MSH3: variants seen among roughly 807,000 people sequenced by gnomAD.
MSH3 encodes the protein mutS homolog 3.
Under a neutral mutation model 123.3 loss-of-function variants are expected in MSH3, and 106 were observed. That is an observed-to-expected ratio of 0.86 (90% CI 0.73 to 1.01). The LOEUF (loss-of-function observed/expected upper bound fraction) is 1.01, where lower values mean the gene tolerates loss of function less well. Among genes scored for constraint, MSH3 ranks in the 50% least tolerant of loss-of-function variants. The pLI is 0.00. For synonymous variants in MSH3, 515 were observed against 481.4 expected, an observed-to-expected ratio of 1.07 and a Z score of -0.91; for missense variants, 1,459 against 1,347.6, an observed-to-expected ratio of 1.08 and a Z score of -1.29.
At chr5:80,856,040 C>T (rs1745914369) in intron 21 of MSH3, among the ~76,000 whole-genome samples, 2 of 151,896 alleles carry the variant, frequency 1.3e-5, no homozygotes, top group Admixed American at 1.3e-4. Flanking sequence ...ACACACCAAC[C>T]ATACCCAGCT....
intron 8 of MSH3, 70 bp downstream of exon 8, chr5:80,679,163 A>AC: frequency 2.0e-6 from 3 of 1,478,870 alleles, no homozygotes; most frequent in Non-Finnish European, 2.8e-6. Context: ...ACTGATACTT[A>AC]TTAAAGTTGC....
chr5:80,761,365 A>G (rs1434181708), intron 12 of MSH3, among the ~76,000 whole-genome samples, 181 bp from the exon 13 acceptor site: 1 of 152,108 alleles, frequency 6.6e-6, no homozygotes, highest in South Asian at 2.1e-4. Context: ...CCTCCTCTCA[A>G]TGCATACGCC....
At chr5:80,807,612 T>A (rs570187804) in intron 19 of MSH3, among the ~76,000 whole-genome samples, 1 of 152,374 alleles carries the variant, frequency 6.6e-6, no homozygotes, top group East Asian at 1.9e-4. Context: ...TACATCAGTT[T>A]ATTGTCATGC....
chr5:80,853,003 A>G (rs1286439727), intron 20 of MSH3, among the ~76,000 whole-genome samples: 1 of 152,228 alleles, frequency 6.6e-6, no homozygotes, highest in Admixed American at 6.5e-5. Flanking sequence ...TTAACTGCAT[A>G]ACACTGAGTA....
chr5:80,774,833 A>C (rs1744271822), intron 15 of MSH3, among the ~76,000 whole-genome samples: 1 of 152,112 alleles, frequency 6.6e-6, no homozygotes, highest in African/African-American at 2.4e-5. Context: ...GTGGGGGTGG[A>C]GGGGATGAGG....
chr5:80,780,918 A>C (rs1210153493), intron 17 of MSH3, among the ~76,000 whole-genome samples: 2 of 152,112 alleles, frequency 1.3e-5, no homozygotes, highest in Non-Finnish European at 2.9e-5. Context: ...TCCTTCAGGG[A>C]GCTTTATTGT....
chr5:80,763,183 TA>T (rs1259108078), intron 13 of MSH3, among the ~76,000 whole-genome samples: 2 of 152,184 alleles, frequency 1.3e-5, no homozygotes, highest in African/African-American at 4.8e-5. Context: ...AATTTTTCAT[TA>T]GTGTTTCTAT....
intron 8 of MSH3, among the ~76,000 whole-genome samples, chr5:80,689,579 T>G: frequency 6.6e-6 from 1 of 152,014 alleles, no homozygotes; most frequent in South Asian, 2.1e-4. Context: ...CAAGCAAAAT[T>G]TGAGATTAAA....
At chr5:80,716,346 A>T (rs1256346867) in intron 8 of MSH3, among the ~76,000 whole-genome samples, 2 of 152,152 alleles carry the variant, frequency 1.3e-5, no homozygotes, top group Non-Finnish European at 2.9e-5. Flanking sequence ...GTCGATTCTT[A>T]AAAGAAAACT....
chr5:80,826,459 A>G (rs1427436616), intron 20 of MSH3, among the ~76,000 whole-genome samples: 1 of 152,210 alleles, frequency 6.6e-6, no homozygotes, highest in African/African-American at 2.4e-5. Context: ...GATTCCATAA[A>G]TATTCATTGA....
At chr5:80,829,237 T>TA (rs1745377349) in intron 20 of MSH3, among the ~76,000 whole-genome samples, 1 of 152,232 alleles carries the variant, frequency 6.6e-6, no homozygotes, top group South Asian at 2.1e-4. Context: ...CCTTTTCCTG[T>TA]CTTATTGCAT....
At chr5:80,760,203 G>A (rs1561468589) in intron 12 of MSH3, among the ~76,000 whole-genome samples, 1 of 152,120 alleles carries the variant, frequency 6.6e-6, no homozygotes, top group African/African-American at 2.4e-5. Context: ...TCATCCACTT[G>A]TTTATTTATT....
At chr5:80,673,166 T>G (rs1161907419) in intron 6 of MSH3, among the ~76,000 whole-genome samples, 1 of 152,148 alleles carries the variant, frequency 6.6e-6, no homozygotes, top group African/African-American at 2.4e-5. Context: ...CTTAGCCCAT[T>G]TGTGGGAAGT....
chr5:80,852,710 T>C (rs1450383167), intron 20 of MSH3, among the ~76,000 whole-genome samples: 1 of 152,238 alleles, frequency 6.6e-6, no homozygotes, highest in Non-Finnish European at 1.5e-5. Flanking sequence ...CCGCTAGTTA[T>C]TGGAACAGTT....
chr5:80,670,922 C>T (rs897122618), intron 4 of MSH3, among the ~76,000 whole-genome samples: 2 of 151,940 alleles, frequency 1.3e-5, no homozygotes, highest in Non-Finnish European at 2.9e-5. Flanking sequence ...GAGTTTGAGA[C>T]CAGCCTGGCC....
At chr5:80,853,340 TGG>T (rs1301559533) in intron 20 of MSH3, among the ~76,000 whole-genome samples, 1 of 152,010 alleles carries the variant, frequency 6.6e-6, no homozygotes, top group Non-Finnish European at 1.5e-5. Flanking sequence ...CCAGGTGTGG[TGG>T]CATGCACCTG....
In MSH3 at chr5:80,654,895, G is replaced by C; in HGVS notation, c.168G>C (p.Ala56=). ...ACCCTGGCGCTGCAGCGGCTGCAGC[G>C]GCCGCAGCGGCCGCAGCGCCCCCAG... ...QVDPGAAAAA[A]AAAAAAPPAP... is the part of the protein sequence containing the mutation. Residue 56 remains alanine (A), a synonymous_variant, in exon 1 of 24, where the codon GCG becomes GCC. Coordinates refer to ENST00000265081, the MANE Select transcript of MSH3 (RefSeq NM_002439.5). The C allele has an allele frequency of 1.2e-6, 1 of 820,060 alleles. No individual in the cohort carries two copies. Among genetic ancestry groups the C allele is most frequent in the Non-Finnish European group, 1.7e-6 (1 of 599,960 alleles). The allele number at this position is 820,060 out of a possible 1,614,324, so 50.8% of individuals were successfully genotyped here.
At chr5:80,690,490 A>G (rs1051637630) in intron 8 of MSH3, among the ~76,000 whole-genome samples, 3 of 151,998 alleles carry the variant, frequency 2.0e-5, no homozygotes, top group Non-Finnish European at 4.4e-5. Flanking sequence ...GTATTTTTGT[A>G]GAGACGTATT....
At chr5:80,723,274 C>T (rs544389624) in intron 8 of MSH3, among the ~76,000 whole-genome samples, 1 of 152,008 alleles carries the variant, frequency 6.6e-6, no homozygotes, top group African/African-American at 2.4e-5. Context: ...ATGCCAAGCC[C>T]TAGAAATTAA....
Sources: allele counts gnomAD v4.1 joint callset (sites outside exome capture counted in the v4.1 genomes callset), GRCh38; gene constraint gnomAD v4.1.1; transcripts MANE v1.5; gene names NCBI Gene and HGNC (gene_info 2026-07-23, HGNC 2026-07-21).